The following CADM1 variants were observed in gnomAD, a reference collection of about 807,000 sequenced individuals.
CADM1 encodes the protein TSLC-1.
Under a neutral mutation model 53.1 loss-of-function variants are expected in CADM1, and 15 were observed. The observed-to-expected ratio is 0.28, with a 90% CI of 0.19 to 0.44. The LOEUF (loss-of-function observed/expected upper bound fraction) is 0.44. Among genes scored for constraint, CADM1 ranks in the 20% least tolerant of loss-of-function variants. CADM1 has a pLI of 1.00. For missense variants in CADM1, 434 were observed against 611.3 expected (o/e 0.71, Z 3.06); for synonymous variants, 281 against 243.0 (o/e 1.16, Z -1.45).
At chr11:115,263,275 C>T (rs1186002205) in intron 1 of CADM1, among the ~76,000 whole-genome samples, 2 of 152,208 alleles carry the variant, frequency 1.3e-5, no homozygotes, top group Admixed American at 6.5e-5. Context: ...ACATCCAGCT[C>T]ATCCTCACAA....
chr11:115,416,698 TACAC>T (rs34112529), intron 1 of CADM1, among the ~76,000 whole-genome samples: 1,825 of 141,454 alleles, frequency 0.013, 16 homozygotes, highest in Middle Eastern at 0.022. Context: ...AAGGATTAAA[TACAC>T]ACACACACAC....
At chr11:115,299,885 G>A (rs1474906441) in intron 1 of CADM1, among the ~76,000 whole-genome samples, 4 of 152,016 alleles carry the variant, frequency 2.6e-5, no homozygotes, top group Admixed American at 6.6e-5. Flanking sequence ...GTTTAAAAAT[G>A]GGAGAAATAC....
intron 1 of CADM1, among the ~76,000 whole-genome samples, chr11:115,398,244 G>A (rs45523533): frequency 1.3e-5 from 2 of 152,136 alleles, no homozygotes; most frequent in South Asian, 2.1e-4. Flanking sequence ...AAATATAAAA[G>A]GCTTTTAAAA....
intron 2 of CADM1, 113 bp from the exon 3 acceptor site, chr11:115,238,765 G>T (rs1022414308): frequency 1.4e-5 from 15 of 1,104,046 alleles, no homozygotes; most frequent in Non-Finnish European, 1.9e-5. Flanking sequence ...TACTATTTTG[G>T]GTGTTTGCAG....
At chr11:115,490,392 A>ATTTTT (rs35633504) in intron 1 of CADM1, among the ~76,000 whole-genome samples, 33 of 109,310 alleles carry the variant, frequency 3.0e-4, no homozygotes, top group Non-Finnish European at 4.1e-4. Flanking sequence ...GGAAGAACAG[A>ATTTTT]TTTTTTTTTT....
rs564893926 is a variant in CADM1, at chr11:115,436,842, T to G, written c.124+67429A>C. 3.3e-4 allele frequency among the ~76,000 whole-genome samples: 51 copies of G among 152,268 alleles called. 1 individual carries two copies. The highest frequency in any genetic ancestry group is 7.2e-4 in the Non-Finnish European group (49 of 68,006). On this transcript the variant is annotated intron_variant, in intron 1 of 11. Coordinates refer to ENST00000331581, the MANE Select transcript of CADM1 (RefSeq NM_001301043.2). The stretch of plus-strand genomic sequence containing the variant: ...ATGCAGCAATAGTGTATTTAATTTT[T>G]GTTGAAAAAAGGCATCTTCCAGTGG...
chr11:115,266,486 T>C (rs959023888), intron 1 of CADM1, among the ~76,000 whole-genome samples: 5 of 152,214 alleles, frequency 3.3e-5, no homozygotes, highest in Admixed American at 6.5e-5. Context: ...CACGCAGGAC[T>C]GGGCCACAGA....
At chr11:115,341,018 G>T (rs748236176) in intron 1 of CADM1, among the ~76,000 whole-genome samples, 16 of 151,914 alleles carry the variant, frequency 1.1e-4, no homozygotes, top group Non-Finnish European at 2.2e-4. Context: ...TCTCTAAAAT[G>T]TAATATATTT....
chr11:115,456,402 AT>A (rs1437407225), intron 1 of CADM1, among the ~76,000 whole-genome samples: 1 of 151,600 alleles, frequency 6.6e-6, no homozygotes, highest in Admixed American at 6.6e-5. Flanking sequence ...CTACACTTTA[AT>A]TTTTTTTTAA....
chr11:115,223,621 TC>T (rs1342120555), intron 5 of CADM1, among the ~76,000 whole-genome samples: 3 of 152,158 alleles, frequency 2.0e-5, no homozygotes, highest in Admixed American at 2.0e-4. Flanking sequence ...CAAAGGCTTT[TC>T]CCTTAAGGGT....
chr11:115,503,257 G>T (rs923694797), intron 1 of CADM1, among the ~76,000 whole-genome samples: 23 of 152,314 alleles, frequency 1.5e-4, no homozygotes, highest in Admixed American at 3.9e-4. Context: ...GCGCCAACGC[G>T]CCCGGCACAC....
chr11:115,197,424 T>G (rs1940211436), intron 9 of CADM1, among the ~76,000 whole-genome samples: 1 of 140,288 alleles, frequency 7.1e-6, no homozygotes, highest in Non-Finnish European at 1.5e-5. Flanking sequence ...TGGATTCAAT[T>G]ATTAAAATTC....
At chr11:115,439,678 C>T (rs74389128) in intron 1 of CADM1, among the ~76,000 whole-genome samples, 1,835 of 152,230 alleles carry the variant, frequency 0.012, 26 homozygotes, top group African/African-American at 0.041. Context: ...GAGTTATCTA[C>T]GGGAAATTGT....
intron 1 of CADM1, among the ~76,000 whole-genome samples, chr11:115,409,857 A>T (rs77821886): frequency 0.014 from 2,152 of 152,298 alleles, 67 homozygotes; most frequent in African/African-American, 0.048. Context: ...CCTTGTTTAC[A>T]AAGCAATTCA....
At chr11:115,489,994 G>T (rs1949456060) in intron 1 of CADM1, among the ~76,000 whole-genome samples, 1 of 152,160 alleles carries the variant, frequency 6.6e-6, no homozygotes, top group Non-Finnish European at 1.5e-5. Context: ...GGTGTGGAGA[G>T]CCGGCGAGGC....
At chr11:115,486,178 C>T (rs1949369034) in intron 1 of CADM1, among the ~76,000 whole-genome samples, 2 of 152,146 alleles carry the variant, frequency 1.3e-5, no homozygotes, top group South Asian at 4.1e-4. Flanking sequence ...ATACTCCTAA[C>T]CAATCTCTCC....
chr11:115,260,089 AT>A (rs973761495), intron 1 of CADM1, among the ~76,000 whole-genome samples: 1 of 151,816 alleles, frequency 6.6e-6, no homozygotes, highest in East Asian at 1.9e-4. Context: ...ACCATGCCTA[AT>A]TTTTTTACTT....
At chr11:115,433,236 T>C (rs1948101700) in intron 1 of CADM1, among the ~76,000 whole-genome samples, 1 of 152,090 alleles carries the variant, frequency 6.6e-6, no homozygotes, top group Non-Finnish European at 1.5e-5. Flanking sequence ...ATTTCAACAA[T>C]AACCACACAT....
chr11:115,171,569 G>C lies in CADM1; in HGVS notation c.*4905C>G, dbSNP rs959159106. ...GTACGCACTCTTCTCAAATGAAGGAGTGGGCAACTTATCAAGATCCTTTGA... is the reference window on the plus strand; with the variant it reads ...GTACGCACTCTTCTCAAATGAAGGACTGGGCAACTTATCAAGATCCTTTGA... On this transcript the variant is annotated 3_prime_UTR_variant, in exon 12 of 12. Transcript: ENST00000331581. 2.0e-5 allele frequency: 3 copies of C among 152,206 alleles called. No homozygotes were observed. The highest frequency in any genetic ancestry group is 4.4e-5 in the Non-Finnish European group (3 of 68,040). 9.4% of individuals were successfully genotyped at this position (152,206 alleles called of 1,614,324 possible).
Sources: allele counts gnomAD v4.1 joint callset (sites outside exome capture counted in the v4.1 genomes callset), GRCh38; gene constraint gnomAD v4.1.1; transcripts MANE v1.5; gene names NCBI Gene and HGNC (gene_info 2026-07-23, HGNC 2026-07-21).